The following NRROS variants were observed in gnomAD, a reference collection of about 807,000 sequenced individuals.
NRROS encodes the protein transforming growth factor beta activator LRRC33.
NRROS carries 6 observed loss-of-function variants against 12.0 expected under a neutral mutation model. The ratio of observed to expected loss-of-function variants is 0.50; its 90% CI spans 0.27 to 0.98. The LOEUF is 0.98. Ranked by LOEUF, NRROS falls within the 50% of genes least tolerant of loss-of-function variation. The pLI is 0.11. For synonymous variants in NRROS, 462 were observed against 410.2 expected (o/e 1.13, Z -1.53); for missense variants, 857 against 888.2 (o/e 0.96, Z 0.45).
Position 196,660,600 on chromosome 3 carries a change from G to C in NRROS, c.957G>C (p.Trp319Cys). ...CCAACATCACCACCGTCAGCCTCTG[G>C]GAAGAATTCTCCTCCAGCGACCTCG... ...NVTNITTVSL[W>C]EEFSSSDLAD... The change falls in exon 3 of 3, where the codon TGG becomes TGC. Residue 319 changes from tryptophan (W) to cysteine (C), a missense_variant. Trp to Cys is a radical substitution (Grantham distance 215, BLOSUM62 -2). Coordinates refer to ENST00000328557, the MANE Select transcript of NRROS (RefSeq NM_198565.3). The surrounding 1 kb of genome is among the most constrained non-coding windows in gnomAD (Gnocchi z 7.7). 6.2e-7 allele frequency: 1 copy of C among 1,614,134 alleles called. No homozygotes were observed. The highest frequency in any genetic ancestry group is 8.5e-7 in the Non-Finnish European group (1 of 1,180,018).
At chr3:196,659,411 C>A (rs1019076232) in intron 2 of NRROS, among the ~76,000 whole-genome samples, 2 of 148,562 alleles carry the variant, frequency 1.3e-5, no homozygotes, top group African/African-American at 5.0e-5. Context: ...TGGGTTCAAG[C>A]AATTCTCTGC....
At chr3:196,648,203 A>G in intron 1 of NRROS, among the ~76,000 whole-genome samples, 1 of 152,240 alleles carries the variant, frequency 6.6e-6, no homozygotes, top group Non-Finnish European at 1.5e-5. Context: ...ACAAGAAAGT[A>G]CAATACTAAA....
Position 196,660,175 on chromosome 3 carries a change from G to A in NRROS, c.532G>A (p.Glu178Lys). The A allele has an allele frequency of 1.9e-6, 3 of 1,613,022 alleles. No homozygotes were observed. Among genetic ancestry groups the A allele is most frequent in the Non-Finnish European group, 2.5e-6 (3 of 1,180,038 alleles). ...CATGCGGCTGGACGACTCCGTCTTC[G>A]AGGGCCTGGAGCGTCTCCGGGAGCT... ...TIMRLDDSVF[E>K]GLERLRELDL... The change falls in exon 3 of 3, where the codon GAG becomes AAG. Residue 178 changes from glutamate (E) to lysine (K), a missense_variant. Transcript: ENST00000328557. This position sits in a 1 kb window ranked among gnomAD's most constrained non-coding sequence, Gnocchi z 7.7.
intron 2 of NRROS, among the ~76,000 whole-genome samples, chr3:196,657,872 G>A (rs1156520634): frequency 6.6e-6 from 1 of 152,152 alleles, no homozygotes; most frequent in Non-Finnish European, 1.5e-5. Context: ...AACAATAGGA[G>A]ATGATTAATT....
intron 2 of NRROS, among the ~76,000 whole-genome samples, chr3:196,655,937 C>T (rs1331861844): frequency 1.3e-5 from 2 of 152,220 alleles, no homozygotes; most frequent in African/African-American, 4.8e-5. Flanking sequence ...CTTTGGGAGG[C>T]CGAGGCGGGC....
At position 196,654,587 on chromosome 3, in the gene NRROS, C is replaced by T. The variant is rs576032990; in HGVS notation, c.48C>T (p.Thr16=). 2.5e-5 allele frequency: 40 copies of T among 1,614,116 alleles called. No homozygotes were observed. In the Admixed American group the frequency reaches 4.8e-4, roughly 20 times the overall value. ...LWLCLGFHFL[T]VGWRNRSGTA... ...TCTGCCTGGGTTTTCACTTCCTGAC[C>T]GTGGGCTGGAGGAACAGAAGCGGAA... Residue 16 remains threonine (T), a synonymous_variant, in exon 2 of 3, where the codon ACC becomes ACT. Transcript: ENST00000328557. This position sits in a 1 kb window ranked among gnomAD's most constrained non-coding sequence, Gnocchi z 4.4.
intron 1 of NRROS, among the ~76,000 whole-genome samples, chr3:196,652,741 G>A (rs538423223): frequency 1.3e-4 from 20 of 152,200 alleles, no homozygotes; most frequent in Admixed American, 2.0e-4. Context: ...TTGCCTTTTC[G>A]CTGAGGGACC....
rs780676609 is a variant in NRROS, at chr3:196,660,356, T to A, written c.713T>A (p.Leu238Gln). The change falls in exon 3 of 3, where the codon CTG becomes CAG. Residue 238 changes from leucine to glutamine, a missense_variant. Leu to Gln is a moderately radical substitution (Grantham distance 113). Transcript: ENST00000328557. This position sits in a 1 kb window ranked among gnomAD's most constrained non-coding sequence, Gnocchi z 7.7. ...GTCCTCAACGTCAGCTACAACGTCC[T>A]GGAGTGGTTCCTCGCGACCGGGGGA... ...LRVLNVSYNV[L>Q]EWFLATGGEA... 1 of 1,614,070 alleles carries A rather than the reference T, an allele frequency of 6.2e-7. No individual in the cohort carries two copies. Among genetic ancestry groups the A allele is most frequent in the East Asian group, 2.2e-5 (1 of 44,878 alleles).
Position 196,654,234 on chromosome 3 carries a change from C to T in NRROS, c.-13-293C>T, listed in dbSNP as rs1264958802. ...CCAGGTGACTGGAGGCCTGGTTACT[C>T]AAGCTTTTTGCTTCTCCCTTCTGTG... is the stretch of plus-strand genomic sequence containing the variant. On this transcript the variant is annotated intron_variant, in intron 1 of 2. Coordinates refer to ENST00000328557, the MANE Select transcript of NRROS (RefSeq NM_198565.3). This position sits in a 1 kb window ranked among gnomAD's most constrained non-coding sequence, Gnocchi z 4.4. Among the ~76,000 whole-genome samples the T allele has an allele frequency of 6.6e-6, 1 of 152,230 alleles. No homozygotes were observed. The highest frequency in any genetic ancestry group is 1.5e-5 in the Non-Finnish European group (1 of 68,040).
chr3:196,661,402 C>G lies in NRROS; in HGVS notation c.1759C>G (p.Arg587Gly), dbSNP rs201020572. The G allele has an allele frequency of 2.5e-6, 4 of 1,571,864 alleles. No homozygotes were observed. The Admixed American group carries it at 7.0e-5, about 28-fold the overall frequency. The change falls in exon 3 of 3, where the codon CGG becomes GGG. Residue 587 changes from arginine (R) to glycine (G), a missense_variant. By Grantham distance (125) the Arg-to-Gly change is moderately radical (BLOSUM62 -2). Transcript: ENST00000328557. ...GTCTGAGCAGCTCTCGAGAGGTCTG[C>G]GGACCATCTACCTCAGTCAGAATCC... The part of the protein sequence containing the change: ...AVSEQLSRGL[R>G]TIYLSQNPYD...
chr3:196,652,131 C>G (rs1737440817), intron 1 of NRROS, among the ~76,000 whole-genome samples: 1 of 152,210 alleles, frequency 6.6e-6, no homozygotes, highest in Non-Finnish European at 1.5e-5. Flanking sequence ...TAGCCTTGCT[C>G]TGCAATTTAT....
chr3:196,640,968 GAC>G (rs1560338153), intron 1 of NRROS, among the ~76,000 whole-genome samples: 1 of 152,158 alleles, frequency 6.6e-6, no homozygotes, highest in East Asian at 1.9e-4. Flanking sequence ...TGCCGGCTGT[GAC>G]ACACAGACTG....
intron 2 of NRROS, among the ~76,000 whole-genome samples, chr3:196,659,547 G>C (rs1737615691): frequency 6.6e-6 from 1 of 152,030 alleles, no homozygotes; most frequent in Non-Finnish European, 1.5e-5. Context: ...GACCTCAAGT[G>C]ATCCACCTGC....
chr3:196,644,769 C>CAAAAAAA (rs57304721), intron 1 of NRROS, among the ~76,000 whole-genome samples: 1 of 109,210 alleles, frequency 9.2e-6, no homozygotes. Context: ...GAGACTCTGT[C>CAAAAAAA]AAAAAAAAAA....
chr3:196,650,300 C>T (rs776554265), intron 1 of NRROS, among the ~76,000 whole-genome samples: 18 of 152,176 alleles, frequency 1.2e-4, no homozygotes, highest in Middle Eastern at 3.2e-3. Context: ...TCCGCCACCA[C>T]GCCCAGCTAA....
At chr3:196,643,823 C>T (rs1025134259) in intron 1 of NRROS, among the ~76,000 whole-genome samples, 4 of 152,236 alleles carry the variant, frequency 2.6e-5, no homozygotes, top group Non-Finnish European at 5.9e-5. Flanking sequence ...TGTCTCCCCT[C>T]TGTGGTCCTC....
chr3:196,654,381 T>G lies in NRROS; in HGVS notation c.-13-146T>G, dbSNP rs1737492149. ...GAAGTCTTGGCTAAATGGAGGTATC[T>G]GAGTATCCTGTGGGCTGCACCTCTA... On this transcript the variant is annotated intron_variant, in intron 1 of 2. Transcript: ENST00000328557. The surrounding 1 kb of genome is among the most constrained non-coding windows in gnomAD (Gnocchi z 4.4). 1 of 621,578 alleles carries G rather than the reference T, an allele frequency of 1.6e-6. No homozygotes were observed. The highest frequency in any genetic ancestry group is 2.9e-6 in the Non-Finnish European group (1 of 345,168). The allele number at this position is 621,578 out of a possible 1,614,324, so 38.5% of individuals were successfully genotyped here.
chr3:196,661,626 C>G lies in NRROS; in HGVS notation c.1983C>G (p.Leu661=), dbSNP rs894823209. ...TCGTGCTCATCCTCCCCAGCTGCCT[C>G]ACCCTGCTGGTGGCCTGCACTGTCA... ...LYLVLILPSC[L]TLLVACTVIV... Residue 661 remains leucine, a synonymous_variant, in exon 3 of 3, where the codon CTC becomes CTG. Transcript: ENST00000328557. The G allele has an allele frequency of 8.1e-6, 13 of 1,612,396 alleles. No homozygotes were observed. The highest frequency in any genetic ancestry group is 1.1e-5 in the Non-Finnish European group (13 of 1,179,930).
rs140115233 is a variant in NRROS, at chr3:196,661,513, T to C, written c.1870T>C (p.Ser624Pro). 4 of 1,612,498 alleles carry C rather than the reference T, an allele frequency of 2.5e-6. No homozygotes were observed. The African/African-American group carries it at 5.3e-5, about 22-fold the overall frequency. ...CTGGGCCATGGTCACCTGCAACCTC[T>C]CCTCCAAGATCATCCGCGTGACGGA... ...ADWAMVTCNL[S>P]SKIIRVTELP... The change falls in exon 3 of 3, where the codon TCC (serine) becomes CCC (proline). Residue 624 changes from serine (S) to proline (P), a missense_variant. Ser to Pro is a moderately conservative substitution (Grantham distance 74). Transcript: ENST00000328557.
Sources: allele counts gnomAD v4.1 joint callset (sites outside exome capture counted in the v4.1 genomes callset), GRCh38; gene constraint gnomAD v4.1.1; non-coding constraint Gnocchi (gnomAD v3.1); transcripts MANE v1.5; gene names NCBI Gene and HGNC (gene_info 2026-07-23, HGNC 2026-07-21).